Variants in RNF144B observed in about 807,000 individuals in gnomAD.
The protein encoded by RNF144B is E3 ubiquitin-protein ligase RNF144B.
In RNF144B, 25 loss-of-function variants were observed where a neutral mutation model predicts 40.2. That is an observed-to-expected ratio of 0.62 (90% CI 0.45 to 0.87). The LOEUF is 0.87. Among genes scored for constraint, RNF144B ranks in the 40% least tolerant of loss-of-function variants. The pLI is 0.00. For missense variants in RNF144B, 365 were observed against 373.7 expected (o/e 0.98, Z 0.19); for synonymous variants, 145 against 136.3 (o/e 1.06, Z -0.44).
In RNF144B at chr6:18,418,357, G is replaced by A. The variant is rs1795184546; in HGVS notation, c.166-9224G>A. 1.3e-5 allele frequency among the ~76,000 whole-genome samples: 2 copies of A among 152,066 alleles called. No homozygotes were observed. The highest frequency in any genetic ancestry group is 2.1e-4 in the South Asian group (1 of 4,826). On this transcript the variant is annotated intron_variant, in intron 2 of 7. Transcript: ENST00000259939. This position sits in a 1 kb window ranked among gnomAD's most constrained non-coding sequence, Gnocchi z 5.2. ...ACTGATGAAAGTATAAACAAAATGT[G>A]GTATATTCACACAATGGCATACTAT...
intron 3 of RNF144B, among the ~76,000 whole-genome samples, chr6:18,430,402 G>A (rs1418271680): frequency 2.0e-5 from 3 of 152,198 alleles, no homozygotes; most frequent in African/African-American, 7.2e-5. Flanking sequence ...AAGTGGATCA[G>A]GACAGGCTAT....
chr6:18,452,135 A>C lies in RNF144B; in HGVS notation c.332-5020A>C, dbSNP rs562198632. Among the ~76,000 whole-genome samples, 4 of 152,364 alleles carry C rather than the reference A, an allele frequency of 2.6e-5. No individual in the cohort carries two copies. In the East Asian group the frequency reaches 7.7e-4, roughly 29 times the overall value. On this transcript the variant is annotated intron_variant, in intron 4 of 7. Coordinates refer to ENST00000259939, the MANE Select transcript of RNF144B (RefSeq NM_182757.4). ...AGATGGTATTATTAGTATGTGCATT[A>C]TAAGTCAATTGTTGGCATAGAAATA...
intron 2 of RNF144B, among the ~76,000 whole-genome samples, chr6:18,411,527 G>A (rs1323937008): frequency 6.4e-5 from 3 of 46,802 alleles, no homozygotes; most frequent in Non-Finnish European, 1.4e-4. Flanking sequence ...TTTTTGAGAC[G>A]GAGTTGTGCC....
In RNF144B at chr6:18,464,020, G is replaced by A. The variant is rs1166256693; in HGVS notation, c.771+640G>A. 6.6e-6 allele frequency among the ~76,000 whole-genome samples: 1 copy of A among 152,116 alleles called. No homozygotes were observed. The highest frequency in any genetic ancestry group is 2.4e-5 in the African/African-American group (1 of 41,410). On this transcript the variant is annotated intron_variant, in intron 7 of 7. Transcript: ENST00000259939. This position sits in a 1 kb window ranked among gnomAD's most constrained non-coding sequence, Gnocchi z 6.1. ...CCACCTGGCCCTGTCCTTGACACGTGGGGATTATTACAATTCAAGATGAGA... is the reference window on the plus strand; with the variant it reads ...CCACCTGGCCCTGTCCTTGACACGTAGGGATTATTACAATTCAAGATGAGA...
rs2113543963 is a variant in RNF144B at position 18,464,705 on chromosome 6, T to C, written c.772-222T>C. Among the ~76,000 whole-genome samples, 1 of 152,274 alleles carries C rather than the reference T, an allele frequency of 6.6e-6. No individual in the cohort carries two copies. The highest frequency in any genetic ancestry group is 1.9e-4 in the East Asian group (1 of 5,164). On this transcript the variant is annotated intron_variant, in intron 7 of 7. Transcript: ENST00000259939. The surrounding 1 kb of genome is among the most constrained non-coding windows in gnomAD (Gnocchi z 6.1). Reference sequence around the variant, plus strand: ...AAGCAAGCTCTCTGGCATCTGTTCTTGTAAGAGCACCAATCCCATCATGAG... The same window carrying C: ...AAGCAAGCTCTCTGGCATCTGTTCTCGTAAGAGCACCAATCCCATCATGAG...
chr6:18,439,849 C>A, intron 4 of RNF144B, 105 bp downstream of exon 4: 1 of 698,220 alleles, frequency 1.4e-6, no homozygotes, highest in South Asian at 1.8e-5. Context: ...GTCAACAAAG[C>A]CTCAAGGGTA....
rs1795182352 is a variant in RNF144B at position 18,418,196 on chromosome 6, G to A, written c.166-9385G>A. Among the ~76,000 whole-genome samples, 3 of 152,182 alleles carry A rather than the reference G, an allele frequency of 2.0e-5. No homozygotes were observed. ...ATCTAGCAGTTCCTCAAAAGGCAAA[G>A]ATAGAGTTACCATATACCATACCTA... On this transcript the variant is annotated intron_variant, in intron 2 of 7. Coordinates refer to ENST00000259939, the MANE Select transcript of RNF144B (RefSeq NM_182757.4). This position sits in a 1 kb window ranked among gnomAD's most constrained non-coding sequence, Gnocchi z 5.2.
chr6:18,454,527 G>T (rs1161285000), intron 4 of RNF144B, among the ~76,000 whole-genome samples: 2 of 152,152 alleles, frequency 1.3e-5, no homozygotes, highest in Admixed American at 6.5e-5. Flanking sequence ...TGTGTAGAAA[G>T]CTGTAAAGTT....
In RNF144B at chr6:18,464,385, C is replaced by G. The variant is rs1470310050; in HGVS notation, c.772-542C>G. 6.6e-6 allele frequency among the ~76,000 whole-genome samples: 1 copy of G among 152,122 alleles called. No homozygotes were observed. The highest frequency in any genetic ancestry group is 6.5e-5 in the Admixed American group (1 of 15,282). ...GGATGGTTTCCATCCTTGATTTGGT[C>G]CTTTGTATCTCTCTGGCTTCTCTCC... On this transcript the variant is annotated intron_variant, in intron 7 of 7. Transcript: ENST00000259939. This position sits in a 1 kb window ranked among gnomAD's most constrained non-coding sequence, Gnocchi z 6.1.
intron 3 of RNF144B, among the ~76,000 whole-genome samples, chr6:18,439,184 G>A (rs1758892018): frequency 6.6e-6 from 1 of 152,118 alleles, no homozygotes. Context: ...AGTGACTCTT[G>A]TCAGAAGACA....
rs1416251562 is a variant in RNF144B, at chr6:18,464,924, C to T, written c.772-3C>T. 3.7e-6 allele frequency: 6 copies of T among 1,613,556 alleles called. No individual in the cohort carries two copies. In the South Asian group the frequency reaches 5.5e-5, roughly 15 times the overall value. The stretch of plus-strand genomic sequence containing the variant: ...GAAATATGCTTTTCTTTGAAATTTC[C>T]AGGTGGTGGGGATTCTCGTAGGCTT... On this transcript the variant is annotated splice_polypyrimidine_tract_variant and splice_region_variant and intron_variant, in intron 7 of 7. Transcript: ENST00000259939. This position sits in a 1 kb window ranked among gnomAD's most constrained non-coding sequence, Gnocchi z 6.1.
chr6:18,454,811 G>A (rs1318913961), intron 4 of RNF144B, among the ~76,000 whole-genome samples: 3 of 152,180 alleles, frequency 2.0e-5, no homozygotes, highest in Non-Finnish European at 4.4e-5. Context: ...GTAGAAACAA[G>A]TCGGAACTTC....
At position 18,425,970 on chromosome 6, in the gene RNF144B, C is replaced by T. The variant is rs1443275871; in HGVS notation, c.166-1611C>T. ...AAATGGTTTGCCCTAGTCATTGATT[C>T]ATCAGTACATTGTAAGTTATTTATA... On this transcript the variant is annotated intron_variant, in intron 2 of 7. Coordinates refer to ENST00000259939, the MANE Select transcript of RNF144B (RefSeq NM_182757.4). The surrounding 1 kb of genome is among the most constrained non-coding windows in gnomAD (Gnocchi z 4.2). 6.6e-6 allele frequency among the ~76,000 whole-genome samples: 1 copy of T among 152,104 alleles called. No homozygotes were observed. Among genetic ancestry groups the T allele is most frequent in the African/African-American group, 2.4e-5 (1 of 41,434 alleles).
In RNF144B at chr6:18,389,258, A is replaced by G. The variant is rs201355360; in HGVS notation, c.-37+1628A>G. Among the ~76,000 whole-genome samples, 40 of 152,324 alleles carry G rather than the reference A, an allele frequency of 2.6e-4. No individual in the cohort carries two copies. In the East Asian group the frequency reaches 7.7e-3, roughly 29 times the overall value. Reference sequence around the variant, plus strand: ...CAGGCTTCCAAACTAGGTCAGCTTAAGACATGTCTTTTTAAAATAATCAGT... The same window carrying G: ...CAGGCTTCCAAACTAGGTCAGCTTAGGACATGTCTTTTTAAAATAATCAGT... On this transcript the variant is annotated intron_variant, in intron 1 of 7. Transcript: ENST00000259939.
In RNF144B at chr6:18,400,117, A is replaced by G. The variant is rs965425171; in HGVS notation, c.165+418A>G. Among the ~76,000 whole-genome samples the G allele has an allele frequency of 1.3e-5, 2 of 151,980 alleles. No individual in the cohort carries two copies. The highest frequency in any genetic ancestry group is 2.9e-5 in the Non-Finnish European group (2 of 67,974). On this transcript the variant is annotated intron_variant, in intron 2 of 7. Transcript: ENST00000259939. The surrounding 1 kb of genome is among the most constrained non-coding windows in gnomAD (Gnocchi z 5.6). ...AAACCCCGTCTCTACTAAAAATACAAAAGAAATTAGCTGGGCTTGGTGGCG... is the reference window on the plus strand; with the variant it reads ...AAACCCCGTCTCTACTAAAAATACAGAAGAAATTAGCTGGGCTTGGTGGCG...
Position 18,399,552 on chromosome 6 carries a change from G to T in RNF144B, c.18G>T (p.Arg6Ser). The T allele has an allele frequency of 6.2e-7, 1 of 1,614,078 alleles. No homozygotes were observed. The highest frequency in any genetic ancestry group is 1.7e-5 in the Admixed American group (1 of 60,008). Residue 6 changes from arginine to serine, a missense_variant, in exon 2 of 8, where the codon AGG becomes AGT. By Grantham distance (110) the Arg-to-Ser change is moderately radical. Coordinates refer to ENST00000259939, the MANE Select transcript of RNF144B (RefSeq NM_182757.4). MGSAG[R>S]LHYLAMTAEN... ...ACAGGCTGATGGGCTCAGCTGGTAGGCTCCACTATCTCGCCATGACTGCTG... is the reference window on the plus strand; with the variant it reads ...ACAGGCTGATGGGCTCAGCTGGTAGTCTCCACTATCTCGCCATGACTGCTG...
chr6:18,459,918 A>G lies in RNF144B; in HGVS notation c.681+167A>G, dbSNP rs1474853900. On this transcript the variant is annotated intron_variant, in intron 6 of 7. Coordinates refer to ENST00000259939, the MANE Select transcript of RNF144B (RefSeq NM_182757.4). This position sits in a 1 kb window ranked among gnomAD's most constrained non-coding sequence, Gnocchi z 4.2. ...AGCCTGATACTTTAGATATCTAAAA[A>G]CATCTTTTTGATGACCTTACATATG... Among the ~76,000 whole-genome samples the G allele has an allele frequency of 6.6e-6, 1 of 152,192 alleles. No individual in the cohort carries two copies. The highest frequency in any genetic ancestry group is 1.5e-5 in the Non-Finnish European group (1 of 68,026).
In RNF144B at chr6:18,430,879, T is replaced by C. The variant is rs527513715; in HGVS notation, c.270+3194T>C. Among the ~76,000 whole-genome samples, 3 of 152,270 alleles carry C rather than the reference T, an allele frequency of 2.0e-5. No individual in the cohort carries two copies. In the East Asian group the frequency reaches 5.8e-4, roughly 29 times the overall value. On this transcript the variant is annotated intron_variant, in intron 3 of 7. Transcript: ENST00000259939. Reference sequence around the variant, plus strand: ...TTCTCTGTCCTTCTGGTTCTCTTTATCCAGTTTTACTATAAAAGCATTTTA... The same window carrying C: ...TTCTCTGTCCTTCTGGTTCTCTTTACCCAGTTTTACTATAAAAGCATTTTA...
rs578215765 is a variant in RNF144B, at chr6:18,419,690, G to A, written c.166-7891G>A. Among the ~76,000 whole-genome samples the A allele has an allele frequency of 6.6e-6, 1 of 152,282 alleles. No homozygotes were observed. Among genetic ancestry groups the A allele is most frequent in the South Asian group, 2.1e-4 (1 of 4,820 alleles). ...TCAGTGACCTAGAGCCACTTCAGTTGAGTGGCAGGGAGGAGTTGGGATGGG... is the reference window on the plus strand; with the variant it reads ...TCAGTGACCTAGAGCCACTTCAGTTAAGTGGCAGGGAGGAGTTGGGATGGG... On this transcript the variant is annotated intron_variant, in intron 2 of 7. Coordinates refer to ENST00000259939, the MANE Select transcript of RNF144B (RefSeq NM_182757.4). The surrounding 1 kb of genome is among the most constrained non-coding windows in gnomAD (Gnocchi z 4.6).
Sources: gnomAD v4.1 joint callset for allele counts (sites outside exome capture counted in the v4.1 genomes callset) on GRCh38, gnomAD v4.1.1 for gene constraint, Gnocchi (gnomAD v3.1) non-coding constraint, MANE v1.5 for transcripts, NCBI Gene and HGNC (gene_info 2026-07-23, HGNC 2026-07-21) for gene names.